The following MYBL2 variants were observed in gnomAD, a reference collection of about 807,000 sequenced individuals.
MYBL2 encodes MYB proto-oncogene like 2, also known as myb-related protein B.
A neutral mutation model predicts 79.9 loss-of-function variants in MYBL2; 28 were observed. The ratio of observed to expected loss-of-function variants is 0.35; its 90% CI spans 0.26 to 0.48. The LOEUF is 0.48. Ranked by LOEUF, MYBL2 falls within the 20% of genes least tolerant of loss-of-function variation. The pLI is 0.99. For missense variants in MYBL2, 735 were observed against 893.9 expected (o/e 0.82, Z 2.27); for synonymous variants, 378 against 361.2 (o/e 1.05, Z -0.53).
chr20:43,695,677 CTG>C (rs549469190), intron 6 of MYBL2, among the ~76,000 whole-genome samples: 7 of 86,064 alleles, frequency 8.1e-5, no homozygotes, highest in African/African-American at 3.3e-4. Context: ...CATAGGGAGA[CTG>C]TCTTTACAAA....
intron 2 of MYBL2, among the ~76,000 whole-genome samples, chr20:43,675,936 T>C (rs1986999800): frequency 6.7e-6 from 1 of 148,940 alleles, no homozygotes; most frequent in Non-Finnish European, 1.5e-5. Flanking sequence ...AGGCAGTCTC[T>C]CTCTGTTGCC....
chr20:43,693,984 G>A (rs979345104), intron 6 of MYBL2, among the ~76,000 whole-genome samples: 5 of 152,058 alleles, frequency 3.3e-5, no homozygotes, highest in Admixed American at 2.0e-4. Flanking sequence ...GGAGGTGGAA[G>A]TTGCAGTGAG....
chr20:43,707,096 C>A (rs1015698700), intron 9 of MYBL2, among the ~76,000 whole-genome samples: 1 of 151,308 alleles, frequency 6.6e-6, no homozygotes, highest in Non-Finnish European at 1.5e-5. Context: ...GGGAGGATTG[C>A]TTGAGCCCAG....
At chr20:43,670,195 C>T (rs6017139) in intron 1 of MYBL2, among the ~76,000 whole-genome samples, 4 of 152,182 alleles carry the variant, frequency 2.6e-5, no homozygotes, top group Non-Finnish European at 4.4e-5. Context: ...ATTTGCTGAC[C>T]TTCTGTTAGA....
intron 10 of MYBL2, 139 bp from the exon 11 acceptor site, chr20:43,711,349 T>G: frequency 1.6e-6 from 1 of 623,012 alleles, no homozygotes. Context: ...ATGGTGCGTG[T>G]GAGATCTGCA....
At chr20:43,682,244 G>A (rs34464760) in intron 3 of MYBL2, among the ~76,000 whole-genome samples, 4,741 of 152,250 alleles carry the variant, frequency 0.031, 97 homozygotes, top group Non-Finnish European at 0.045. Context: ...GCTGGCAGGT[G>A]CTACCACATT....
intron 7 of MYBL2, among the ~76,000 whole-genome samples, chr20:43,700,251 G>A (rs1987650509): frequency 6.6e-6 from 1 of 152,204 alleles, no homozygotes; most frequent in Non-Finnish European, 1.5e-5. Context: ...GGTGTGTGCA[G>A]CAGGAGTTTG....
chr20:43,675,909 T>TA (rs1986997167), intron 2 of MYBL2, among the ~76,000 whole-genome samples: 1 of 63,576 alleles, frequency 1.6e-5, no homozygotes, highest in South Asian at 5.6e-4. Flanking sequence ...ACCCAATAGG[T>TA]AGTTTTTTTT....
At chr20:43,693,441 C>T (rs900546095) in intron 6 of MYBL2, among the ~76,000 whole-genome samples, 12 of 152,200 alleles carry the variant, frequency 7.9e-5, no homozygotes, top group Middle Eastern at 3.4e-3. Context: ...CAGGTTAAAG[C>T]GATTCTGCTA....
chr20:43,690,033 G>C (rs1987367818), intron 5 of MYBL2, among the ~76,000 whole-genome samples: 1 of 152,112 alleles, frequency 6.6e-6, no homozygotes, highest in Non-Finnish European at 1.5e-5. Context: ...GCAAGGGATG[G>C]GGTCTTGGAA....
chr20:43,685,928 T>G (rs751911335), intron 4 of MYBL2, among the ~76,000 whole-genome samples: 25 of 152,032 alleles, frequency 1.6e-4, no homozygotes, highest in Non-Finnish European at 3.2e-4. Flanking sequence ...TCTCAGCTAC[T>G]TGGGAGGCTG....
intron 4 of MYBL2, among the ~76,000 whole-genome samples, chr20:43,685,670 G>A (rs1017230870): frequency 1.3e-5 from 2 of 151,426 alleles, no homozygotes; most frequent in Admixed American, 6.6e-5. Flanking sequence ...CGGGAGAATC[G>A]CTTGAACCCA....
chr20:43,694,524 T>G (rs900883356), intron 6 of MYBL2, among the ~76,000 whole-genome samples: 2 of 152,196 alleles, frequency 1.3e-5, no homozygotes, highest in Admixed American at 6.5e-5. Flanking sequence ...TGGGTAGAGA[T>G]AACTTGTTGA....
chr20:43,673,962 G>A (rs918477793), intron 2 of MYBL2, 63 bp downstream of exon 2: 1 of 1,405,630 alleles, frequency 7.1e-7, no homozygotes, highest in Admixed American at 2.0e-5. Flanking sequence ...AACTGAGCCT[G>A]GAGTGTATTT....
Position 43,709,945 on chromosome 20 carries a change from C to T in MYBL2, c.1506-18C>T, listed in dbSNP as rs375553212. The T allele has an allele frequency of 1.9e-5, 30 of 1,583,044 alleles. No homozygotes were observed. Among genetic ancestry groups the T allele is most frequent in the African/African-American group, 4.0e-5 (3 of 74,186 alleles). ...GCCCCTATCCTGTCACTAGTTCCCCCGTTCTGGCCCCTGGCAGGTTTGTAA... is the reference window on the plus strand; with the variant it reads ...GCCCCTATCCTGTCACTAGTTCCCCTGTTCTGGCCCCTGGCAGGTTTGTAA... On this transcript the variant is annotated intron_variant, in intron 9 of 13. Coordinates refer to ENST00000217026, the MANE Select transcript of MYBL2 (RefSeq NM_002466.4).
chr20:43,704,365 T>C (rs968188549), intron 8 of MYBL2, among the ~76,000 whole-genome samples: 4 of 152,118 alleles, frequency 2.6e-5, no homozygotes, highest in African/African-American at 9.7e-5. Flanking sequence ...ACAGTCCCAT[T>C]CTGAGGTGCT....
intron 5 of MYBL2, 23 bp downstream of exon 5, chr20:43,687,095 G>T: frequency 6.2e-7 from 1 of 1,607,620 alleles, no homozygotes; most frequent in Middle Eastern, 2.2e-4. Context: ...CTTGGGGGTT[G>T]GGACAGGTTC....
intron 2 of MYBL2, 60 bp downstream of exon 2, chr20:43,673,959 C>T: frequency 7.1e-7 from 1 of 1,413,510 alleles, no homozygotes; most frequent in Non-Finnish European, 9.8e-7. Context: ...AGGAACTGAG[C>T]CTGGAGTGTA....
intron 3 of MYBL2, among the ~76,000 whole-genome samples, chr20:43,682,483 C>T (rs1300967620): frequency 6.6e-6 from 1 of 152,232 alleles, no homozygotes; most frequent in Non-Finnish European, 1.5e-5. Flanking sequence ...TAAAAATGCT[C>T]TCCTAGAAAA....
Sources: allele counts gnomAD v4.1 joint callset (sites outside exome capture counted in the v4.1 genomes callset), GRCh38; gene constraint gnomAD v4.1.1; transcripts MANE v1.5; gene names NCBI Gene and HGNC (gene_info 2026-07-23, HGNC 2026-07-21).